CFAP69: variants seen among roughly 807,000 people sequenced by gnomAD.
CFAP69 encodes the protein cilia- and flagella-associated protein 69.
CFAP69 carries 92 observed loss-of-function variants against 123.0 expected under a neutral mutation model. The ratio of observed to expected loss-of-function variants is 0.75; its 90% CI spans 0.63 to 0.89. The LOEUF (loss-of-function observed/expected upper bound fraction) is 0.89, where lower values mean the gene tolerates loss of function less well. Ranked by LOEUF, CFAP69 falls within the 40% of genes least tolerant of loss-of-function variation. The pLI, the probability that CFAP69 is intolerant of heterozygous loss-of-function variation, is 0.00. For synonymous variants in CFAP69, 380 were observed against 364.3 expected (o/e 1.04, Z -0.49); for missense variants, 1,067 against 1,096.9 (o/e 0.97, Z 0.39).
At chr7:90,258,905 T>C (rs1205926545) in intron 3 of CFAP69, among the ~76,000 whole-genome samples, 1 of 152,176 alleles carries the variant, frequency 6.6e-6, no homozygotes, top group Non-Finnish European at 1.5e-5. Flanking sequence ...CAAGTCAAAG[T>C]CATTATTTCT....
At chr7:90,264,140 T>G (rs1182227504) in intron 4 of CFAP69, among the ~76,000 whole-genome samples, 1 of 116,434 alleles carries the variant, frequency 8.6e-6, no homozygotes, top group African/African-American at 3.3e-5. Flanking sequence ...TATATATATA[T>G]ATATATATAT....
the CFAP69 span, among the ~76,000 whole-genome samples, chr7:90,319,930 C>T: frequency 2.6e-5 from 4 of 152,234 alleles, no homozygotes; most frequent in East Asian, 1.9e-4. Flanking sequence ...ATTACAGTTC[C>T]GGTTTGATTT....
intron 17 of CFAP69, 122 bp from the exon 18 acceptor site, chr7:90,303,847 A>AT (rs1249134007): frequency 5.4e-6 from 7 of 1,295,708 alleles, no homozygotes; most frequent in East Asian, 5.5e-5. Context: ...AATAGGCACT[A>AT]TTTTTTTGCT....
intron 1 of CFAP69, among the ~76,000 whole-genome samples, chr7:90,253,013 CA>C: frequency 6.6e-6 from 1 of 152,154 alleles, no homozygotes; most frequent in South Asian, 2.1e-4. Flanking sequence ...TAAGGAAAAA[CA>C]AAATATATAA....
rs1792208560 is a variant in CFAP69 at position 90,297,773 on chromosome 7, C to T, written c.1800C>T (p.Pro600=). 1 of 1,573,394 alleles carries T rather than the reference C, an allele frequency of 6.4e-7. No individual in the cohort carries two copies. The highest frequency in any genetic ancestry group is 8.6e-7 in the Non-Finnish European group (1 of 1,167,286). ...GGTGCTGTATTTTGGGATGTTATCC[C>T]TCAGAGGATTATTTTCTTGAAAAGG... is the stretch of plus-strand genomic sequence containing the variant. ...SIWCCILGCY[P]SEDYFLEKEG... is the part of the protein sequence containing the mutation. The change falls in exon 16 of 23, where the codon CCC becomes CCT. Residue 600 remains proline, a synonymous_variant. Transcript: ENST00000389297.
At chr7:90,289,192 C>T (rs910120468) in intron 15 of CFAP69, among the ~76,000 whole-genome samples, 1 of 151,922 alleles carries the variant, frequency 6.6e-6, no homozygotes, top group Non-Finnish European at 1.5e-5. Context: ...ATGCCCAGAT[C>T]TGGGCATTTT....
At chr7:90,289,752 GC>G (rs1309970357) in intron 15 of CFAP69, among the ~76,000 whole-genome samples, 2 of 151,908 alleles carry the variant, frequency 1.3e-5, no homozygotes, top group African/African-American at 4.8e-5. Context: ...TTATTGTTTT[GC>G]CCTTTACATT....
chr7:90,297,890 C>T, intron 16 of CFAP69, 60 bp downstream of exon 16: 2 of 1,108,112 alleles, frequency 1.8e-6, no homozygotes, highest in South Asian at 2.8e-5. Flanking sequence ...AAGGCCGTTT[C>T]CAAACTGAAT....
At position 90,309,786 on chromosome 7, in the gene CFAP69, C is replaced by T. The variant is rs28947510; in HGVS notation, c.2656-282C>T. On this transcript the variant is annotated intron_variant, in intron 22 of 22. Transcript: ENST00000389297. The stretch of plus-strand genomic sequence containing the variant: ...CCTTATATCTCTTTAACAGAAAAGA[C>T]GCAGTGCTTCCCCTTTTCCTGGCGA... Among the ~76,000 whole-genome samples, 50 of 152,260 alleles carry T rather than the reference C, an allele frequency of 3.3e-4. 1 individual carries two copies. In the East Asian group the frequency reaches 8.1e-3, roughly 25 times the overall value.
At chr7:90,307,134 A>T (rs1277979175) in intron 20 of CFAP69, 36 bp downstream of exon 20, 9 of 1,550,282 alleles carry the variant, frequency 5.8e-6, no homozygotes, top group Non-Finnish European at 7.1e-6. Context: ...GAGAATGAAG[A>T]TAGGTTGGTT....
the CFAP69 span, among the ~76,000 whole-genome samples, chr7:90,323,263 T>C: frequency 1.3e-5 from 2 of 152,126 alleles, no homozygotes; most frequent in Non-Finnish European, 2.9e-5. Context: ...TCTGGCAAAA[T>C]GATGACAAAC....
At chr7:90,318,357 A>G in the CFAP69 span, 3 of 151,970 alleles carry the variant, frequency 2.0e-5, no homozygotes, top group Non-Finnish European at 2.9e-5. Context: ...GTCTTTGTTT[A>G]TTGTTCCTTT....
rs938323161 is a variant in CFAP69, at chr7:90,245,288, T to G, written c.-137T>G. 2 of 1,256,092 alleles carry G rather than the reference T, an allele frequency of 1.6e-6. No individual in the cohort carries two copies. Among genetic ancestry groups the G allele is most frequent in the South Asian group, 1.9e-5 (1 of 53,686 alleles). The allele number at this position is 1,256,092 out of a possible 1,614,324, so 77.8% of individuals were successfully genotyped here. A position where few individuals can be genotyped will look rare whatever the true frequency, so the allele number is the denominator to read the frequency against. ...GCGGTGGCCTAGGCCCCTGGCGGAA[T>G]TTTGGGACCTTTCGCGACTCTAGCG... On this transcript the variant is annotated 5_prime_UTR_variant, in exon 1 of 23. Transcript: ENST00000389297.
chr7:90,280,932 T>G (rs1440220710), intron 12 of CFAP69, among the ~76,000 whole-genome samples: 1 of 152,240 alleles, frequency 6.6e-6, no homozygotes, highest in Non-Finnish European at 1.5e-5. Flanking sequence ...AAATTTAGTC[T>G]TGTAAAATTA....
chr7:90,260,036 A>C (rs1584340384), intron 3 of CFAP69, among the ~76,000 whole-genome samples: 1 of 152,302 alleles, frequency 6.6e-6, no homozygotes, highest in Admixed American at 6.5e-5. Context: ...CTTGGAATGC[A>C]GCCCAACACA....
chr7:90,251,229 T>G (rs553108773), intron 1 of CFAP69, among the ~76,000 whole-genome samples: 1 of 152,290 alleles, frequency 6.6e-6, no homozygotes, highest in East Asian at 1.9e-4. Context: ...GAGACTCCAA[T>G]GCAGCCTGGG....
intron 13 of CFAP69, 75 bp downstream of exon 13, chr7:90,283,131 T>A (rs994328000): frequency 1.7e-6 from 2 of 1,160,922 alleles, no homozygotes; most frequent in African/African-American, 3.2e-5. Context: ...GAAATGTTTT[T>A]CCAAAATTTA....
In CFAP69 at chr7:90,245,472, C is replaced by A; in HGVS notation, c.48C>A (p.Gly16=). The A allele has an allele frequency of 6.4e-7, 1 of 1,552,200 alleles. No individual in the cohort carries two copies. Among genetic ancestry groups the A allele is most frequent in the South Asian group, 1.2e-5 (1 of 84,562 alleles). The change falls in exon 1 of 23, where the codon GGC becomes GGA. Residue 16 remains glycine, a synonymous_variant. Transcript: ENST00000389297. The part of the protein sequence containing the change: ...AGATAEAQES[G]IRNKSSSSSQ... ...CGACCGCCGAGGCCCAGGAATCCGG[C>A]ATCAGGAACAAGTCTAGCAGTTCCA... is the stretch of plus-strand genomic sequence containing the variant.
chr7:90,286,866 T>C (rs1250686563), intron 14 of CFAP69, among the ~76,000 whole-genome samples: 1 of 152,086 alleles, frequency 6.6e-6, no homozygotes, highest in Admixed American at 6.6e-5. Flanking sequence ...GGCAGGTGGA[T>C]TGCCTGAGGT....
Sources: gnomAD v4.1 joint callset for allele counts (sites outside exome capture counted in the v4.1 genomes callset) on GRCh38, gnomAD v4.1.1 for gene constraint, MANE v1.5 for transcripts, NCBI Gene and HGNC (gene_info 2026-07-23, HGNC 2026-07-21) for gene names.